The following RBFOX3 variants were observed in gnomAD, a reference collection of about 807,000 sequenced individuals.
RBFOX3 encodes the protein RNA binding fox-1 homolog 3.
In RBFOX3, 17 loss-of-function variants were observed where a neutral mutation model predicts 48.7. That is an observed-to-expected ratio of 0.35 (90% CI 0.24 to 0.52). The LOEUF is 0.52. Among genes scored for constraint, RBFOX3 ranks in the 20% least tolerant of loss-of-function variants. RBFOX3 has a pLI of 0.94. For missense variants in RBFOX3, 382 were observed against 497.5 expected (o/e 0.77, Z 2.21); for synonymous variants, 212 against 209.5 (o/e 1.01, Z -0.10).
the RBFOX3 span, among the ~76,000 whole-genome samples, chr17:79,640,449 C>T: frequency 5.3e-5 from 8 of 152,158 alleles, no homozygotes; most frequent in South Asian, 4.2e-4. Flanking sequence ...TTTACAAAAA[C>T]GAAAAAATAA....
At chr17:79,348,183 G>A (rs1448374374) in intron 2 of RBFOX3, among the ~76,000 whole-genome samples, 2 of 152,208 alleles carry the variant, frequency 1.3e-5, no homozygotes, top group South Asian at 2.1e-4. Flanking sequence ...TGACTGCTGG[G>A]GTCAGGTGGG....
chr17:79,119,130 T>C (rs3848405), intron 4 of RBFOX3, among the ~76,000 whole-genome samples: 3,327 of 152,258 alleles, frequency 0.022, 51 homozygotes, highest in African/African-American at 0.042. Context: ...TCACTCTCAC[T>C]TGAGGTTCTG....
chr17:79,384,619 G>A (rs2060336133), intron 2 of RBFOX3, among the ~76,000 whole-genome samples: 1 of 151,324 alleles, frequency 6.6e-6, no homozygotes, highest in South Asian at 2.1e-4. Context: ...GCCCACCCAG[G>A]CCTGCGCATC....
Position 79,254,190 on chromosome 17 carries a change from T to C in RBFOX3, c.-73-18385A>G, listed in dbSNP as rs2064412379. 6.6e-6 allele frequency among the ~76,000 whole-genome samples: 1 copy of C among 152,164 alleles called. No individual in the cohort carries two copies. The stretch of plus-strand genomic sequence containing the variant: ...AGAAGTCATTTGCTGAGTTTTGCAG[T>C]TCATGAGAGTGAAAGTGATTTTCCA... On this transcript the variant is annotated intron_variant, in intron 3 of 14. Transcript: ENST00000693108. This position sits in a 1 kb window ranked among gnomAD's most constrained non-coding sequence, Gnocchi z 4.8.
chr17:79,618,622 G>A, the RBFOX3 span, among the ~76,000 whole-genome samples: 1,580 of 152,292 alleles, frequency 0.01, 12 homozygotes, highest in Non-Finnish European at 0.015. Flanking sequence ...ATAAGCCGGC[G>A]GAGTGCACAT....
intron 12 of RBFOX3, 125 bp from the exon 13 acceptor site, chr17:79,095,699 A>G (rs929735788): frequency 5.4e-5 from 41 of 761,050 alleles, no homozygotes; most frequent in Non-Finnish European, 8.0e-5. Flanking sequence ...AGACCTTCCC[A>G]GCCTCCCAGC....
At chr17:79,387,023 T>A (rs1458043531) in intron 2 of RBFOX3, among the ~76,000 whole-genome samples, 1 of 152,150 alleles carries the variant, frequency 6.6e-6, no homozygotes, top group Non-Finnish European at 1.5e-5. Context: ...TTTACATGAT[T>A]TTCCCCACCC....
intron 2 of RBFOX3, among the ~76,000 whole-genome samples, chr17:79,331,992 T>C (rs896816949): frequency 1.3e-5 from 2 of 152,176 alleles, no homozygotes; most frequent in African/African-American, 4.8e-5. Flanking sequence ...ACTATTCTGT[T>C]TTTCCATTCT....
chr17:79,092,455 T>G (rs1463082364), intron 14 of RBFOX3: 1 of 985,546 alleles, frequency 1.0e-6, no homozygotes, highest in African/African-American at 1.7e-5. Flanking sequence ...TCTATAGATT[T>G]TAGAGTTGCA....
chr17:79,438,978 G>A (rs1418400933), intron 2 of RBFOX3, among the ~76,000 whole-genome samples: 3 of 152,204 alleles, frequency 2.0e-5, no homozygotes, highest in African/African-American at 7.2e-5. Flanking sequence ...CCCTCCTCCC[G>A]AAACCATCAG....
chr17:79,358,323 C>G (rs547447194), intron 2 of RBFOX3, among the ~76,000 whole-genome samples: 36 of 152,264 alleles, frequency 2.4e-4, no homozygotes, highest in African/African-American at 8.4e-4. Context: ...GCCGTCTTCC[C>G]CTCCCCAGCA....
At chr17:79,434,775 A>C (rs1262381433) in intron 2 of RBFOX3, among the ~76,000 whole-genome samples, 2 of 152,200 alleles carry the variant, frequency 1.3e-5, no homozygotes, top group Admixed American at 1.3e-4. Context: ...ACTTCAGAGA[A>C]AGCTGTGTTT....
chr17:79,439,103 C>T (rs12452636), intron 2 of RBFOX3, among the ~76,000 whole-genome samples: 22,553 of 152,226 alleles, frequency 0.15, 1,858 homozygotes, highest in Admixed American at 0.2. Flanking sequence ...GTCCCTCTGG[C>T]GCTGAGCAGG....
At chr17:79,533,409 C>T (rs558901909) in intron 1 of RBFOX3, among the ~76,000 whole-genome samples, 62 of 152,366 alleles carry the variant, frequency 4.1e-4, no homozygotes, top group Middle Eastern at 3.4e-3. Flanking sequence ...CCCACCCCTC[C>T]GTGCTCAACA....
chr17:79,129,322 A>G (rs558962153), intron 4 of RBFOX3, among the ~76,000 whole-genome samples: 146 of 152,358 alleles, frequency 9.6e-4, no homozygotes, highest in Non-Finnish European at 1.7e-3. Flanking sequence ...TCCAGGATGT[A>G]GCAGACCTGG....
At chr17:79,097,019 T>C (rs2075407038) in intron 11 of RBFOX3, among the ~76,000 whole-genome samples, 186 bp from the exon 12 acceptor site, 1 of 151,432 alleles carries the variant, frequency 6.6e-6, no homozygotes, top group Non-Finnish European at 1.5e-5. Context: ...ACCTCAAGAG[T>C]GGACAACGGC....
At chr17:79,506,766 G>A (rs1332632896) in intron 1 of RBFOX3, among the ~76,000 whole-genome samples, 1 of 152,206 alleles carries the variant, frequency 6.6e-6, no homozygotes, top group Non-Finnish European at 1.5e-5. Flanking sequence ...GCACCGAGGA[G>A]AAACGAATCA....
intron 2 of RBFOX3, among the ~76,000 whole-genome samples, chr17:79,435,825 C>T (rs2069329125): frequency 6.6e-6 from 1 of 152,168 alleles, no homozygotes; most frequent in Admixed American, 6.5e-5. Flanking sequence ...GTCTCCCAGC[C>T]ACCTTGCACA....
At chr17:79,163,528 C>A (rs2047387512) in intron 4 of RBFOX3, among the ~76,000 whole-genome samples, 1 of 152,246 alleles carries the variant, frequency 6.6e-6, no homozygotes, top group African/African-American at 2.4e-5. Context: ...CCCCAGAAAC[C>A]CTGGCAACAT....
Sources: allele counts gnomAD v4.1 joint callset (sites outside exome capture counted in the v4.1 genomes callset), GRCh38; gene constraint gnomAD v4.1.1; non-coding constraint Gnocchi (gnomAD v3.1); transcripts MANE v1.5; gene names NCBI Gene and HGNC (gene_info 2026-07-23, HGNC 2026-07-21).